Variants in ATP10D observed in about 807,000 individuals in gnomAD.
ATP10D encodes the protein ATPase phospholipid transporting 10D (putative).
A neutral mutation model predicts 144.8 loss-of-function variants in ATP10D; 89 were observed. The observed-to-expected ratio is 0.61, with a 90% CI of 0.52 to 0.73. ATP10D has a LOEUF of 0.73. Ranked by LOEUF, ATP10D falls within the 30% of genes least tolerant of loss-of-function variation. The pLI is 0.00. For missense variants in ATP10D, 1,603 were observed against 1,714.8 expected, an observed-to-expected ratio of 0.93 and a Z score of 1.15; for synonymous variants, 571 against 615.1, an observed-to-expected ratio of 0.93 and a Z score of 1.06.
intron 21 of ATP10D, among the ~76,000 whole-genome samples, chr4:47,583,817 A>G (rs1720649950): frequency 6.6e-6 from 1 of 152,254 alleles, no homozygotes; most frequent in African/African-American, 2.4e-5. Flanking sequence ...AATAAAGAAA[A>G]GCAAAAATAT....
chr4:47,559,608 C>T (rs896944355), intron 13 of ATP10D, among the ~76,000 whole-genome samples: 4 of 152,110 alleles, frequency 2.6e-5, no homozygotes, highest in African/African-American at 7.2e-5. Context: ...ATGTTCTCAC[C>T]GGAACTTTTC....
chr4:47,535,606 G>C lies in ATP10D; in HGVS notation c.874G>C (p.Val292Leu). ...CACAGAGGCTGTTGTGGGCATTGTG[G>C]TTTATGCAGGTCGGTTATGTTTCTA... ...RNTEAVVGIV[V>L]YAGHETKAML... Residue 292 changes from valine (V) to leucine (L), a missense_variant, in exon 6 of 23, where the codon GTT (valine) becomes CTT (leucine). Physicochemically the swap from Val to Leu is conservative, Grantham distance 32. Transcript: ENST00000273859. 2 of 1,610,454 alleles carry C rather than the reference G, an allele frequency of 1.2e-6. No individual in the cohort carries two copies. The highest frequency in any genetic ancestry group is 1.7e-6 in the Non-Finnish European group (2 of 1,178,692).
At chr4:47,511,183 A>C (rs988730324) in intron 1 of ATP10D, among the ~76,000 whole-genome samples, 4 of 152,374 alleles carry the variant, frequency 2.6e-5, no homozygotes, top group African/African-American at 9.6e-5. Flanking sequence ...GACTTTTAAA[A>C]AATTATATTG....
chr4:47,552,442 T>A lies in ATP10D; in HGVS notation c.1636-2284T>A, dbSNP rs993374037. Among the ~76,000 whole-genome samples the A allele has an allele frequency of 5.3e-5, 8 of 152,186 alleles. No individual in the cohort carries two copies. The South Asian group carries it at 1.0e-3, about 20-fold the overall frequency. ...GGTCTGGTGAGGGCCTGCTTCCTGG[T>A]TCATAAAAACAGTTCCTTCTTTACT... On this transcript the variant is annotated intron_variant, in intron 10 of 22. Coordinates refer to ENST00000273859, the MANE Select transcript of ATP10D (RefSeq NM_020453.4).
At chr4:47,493,703 C>A (rs1054023666) in intron 1 of ATP10D, among the ~76,000 whole-genome samples, 4 of 152,162 alleles carry the variant, frequency 2.6e-5, no homozygotes, top group Non-Finnish European at 1.5e-5. Flanking sequence ...CCAGAGTAGG[C>A]CCCATCAGTA....
At position 47,587,042 on chromosome 4, in the gene ATP10D, C is replaced by T. The variant is rs1016025977; in HGVS notation, c.3777C>T (p.Ile1259=). 2 of 1,613,900 alleles carry T rather than the reference C, an allele frequency of 1.2e-6. No homozygotes were observed. Among genetic ancestry groups the T allele is most frequent in the Non-Finnish European group, 1.7e-6 (2 of 1,179,872 alleles). Reference sequence around the variant, plus strand: ...AGACTTGGATTCACTTGCTGGTCATCATTGGTAGCATCTTGTCTTATTTTT... The same window carrying T: ...AGACTTGGATTCACTTGCTGGTCATTATTGGTAGCATCTTGTCTTATTTTT... The part of the protein sequence containing the change: ...KSLTWIHLLV[I]IGSILSYFLF... Residue 1259 remains isoleucine (I), a synonymous_variant, in exon 22 of 23, where the codon ATC becomes ATT. Transcript: ENST00000273859.
At chr4:47,557,090 AC>A (rs1719025039) in intron 11 of ATP10D, 1 of 152,136 alleles carries the variant, frequency 6.6e-6, no homozygotes, top group Non-Finnish European at 1.5e-5. Flanking sequence ...ATTACTTGTT[AC>A]TTTTTTTATA....
chr4:47,507,247 T>C (rs868274150), intron 1 of ATP10D, among the ~76,000 whole-genome samples: 3 of 152,214 alleles, frequency 2.0e-5, no homozygotes, highest in African/African-American at 7.2e-5. Flanking sequence ...GGACTTACTA[T>C]GGGTCAAACA....
At chr4:47,490,677 A>G (rs1289049932) in intron 1 of ATP10D, among the ~76,000 whole-genome samples, 1 of 152,210 alleles carries the variant, frequency 6.6e-6, no homozygotes, top group East Asian at 1.9e-4. Flanking sequence ...TGGAGCCAGC[A>G]CGGGTGGTAT....
At chr4:47,559,387 TG>T (rs1367283537) in intron 13 of ATP10D, among the ~76,000 whole-genome samples, 1 of 152,208 alleles carries the variant, frequency 6.6e-6, no homozygotes, top group Admixed American at 6.5e-5. Context: ...AAATCTGCTT[TG>T]GAAAGAATGA....
At chr4:47,561,884 G>T (rs1390648603) in intron 14 of ATP10D, among the ~76,000 whole-genome samples, 1 of 152,134 alleles carries the variant, frequency 6.6e-6, no homozygotes, top group Non-Finnish European at 1.5e-5. Flanking sequence ...TATAAGCTCT[G>T]ATATACCAAG....
At chr4:47,536,397 A>G in intron 7 of ATP10D, 40 bp from the exon 8 acceptor site, 1 of 1,603,528 alleles carries the variant, frequency 6.2e-7, no homozygotes, top group Non-Finnish European at 8.5e-7. Context: ...TGCATGCCAT[A>G]TATTTAGCAT....
chr4:47,546,834 C>A lies in ATP10D; in HGVS notation c.1607C>A (p.Ser536Tyr). ...SGEGASEVPH[S>Y]RQAAFSSPIE... is the part of the protein sequence containing the mutation. ...GAAGGAGCCAGTGAAGTGCCTCATT[C>A]CAGACAGGCTGCTTTCAGTAGCCCC... Residue 536 changes from serine (S) to tyrosine (Y), a missense_variant, in exon 10 of 23, where the codon TCC becomes TAC. Transcript: ENST00000273859. 6.2e-7 allele frequency: 1 copy of A among 1,613,014 alleles called. No individual in the cohort carries two copies. Among genetic ancestry groups the A allele is most frequent in the Non-Finnish European group, 8.5e-7 (1 of 1,179,932 alleles).
chr4:47,517,418 A>G (rs1716746779), intron 3 of ATP10D, among the ~76,000 whole-genome samples: 1 of 152,226 alleles, frequency 6.6e-6, no homozygotes. Flanking sequence ...CCTGTCTCAA[A>G]TGAATGAAAT....
chr4:47,529,172 T>A (rs1410761042), intron 5 of ATP10D, among the ~76,000 whole-genome samples: 2 of 152,234 alleles, frequency 1.3e-5, no homozygotes, highest in African/African-American at 4.8e-5. Context: ...ATTTTTGTTT[T>A]GTTGCATTTG....
At chr4:47,502,842 T>C (rs1264683001) in intron 1 of ATP10D, among the ~76,000 whole-genome samples, 1 of 152,152 alleles carries the variant, frequency 6.6e-6, no homozygotes, top group Non-Finnish European at 1.5e-5. Flanking sequence ...ATTCTACTTT[T>C]ATATGTCTTT....
chr4:47,527,556 C>T (rs1051564307), intron 5 of ATP10D, among the ~76,000 whole-genome samples: 1 of 152,088 alleles, frequency 6.6e-6, no homozygotes, highest in Non-Finnish European at 1.5e-5. Flanking sequence ...TCCTATAGGA[C>T]TTATATTCAT....
At chr4:47,490,963 A>C in intron 1 of ATP10D, 1 of 523,936 alleles carries the variant, frequency 1.9e-6, no homozygotes, top group Non-Finnish European at 3.5e-6. Flanking sequence ...CTTTTATTTT[A>C]TTTATTTTGT....
rs1717075878 is a variant in ATP10D at position 47,523,471 on chromosome 4, CAG to C, written c.690+257_690+258del. 2.0e-5 allele frequency among the ~76,000 whole-genome samples: 3 copies of C among 152,278 alleles called. No homozygotes were observed. In the South Asian group the frequency reaches 6.2e-4, roughly 32 times the overall value. Reference sequence around the variant, plus strand: ...TGAGAATGGAATTAAAGGAACCTAACAGAATTATTTTTCTTAAACTTAGACTT... The same window carrying C: ...TGAGAATGGAATTAAAGGAACCTAACAATTATTTTTCTTAAACTTAGACTT... On this transcript the variant is annotated intron_variant, in intron 4 of 22. Coordinates refer to ENST00000273859, the MANE Select transcript of ATP10D (RefSeq NM_020453.4).
Sources: allele counts gnomAD v4.1 joint callset (sites outside exome capture counted in the v4.1 genomes callset), GRCh38; gene constraint gnomAD v4.1.1; transcripts MANE v1.5; gene names NCBI Gene and HGNC (gene_info 2026-07-23, HGNC 2026-07-21).